The following SH3BP4 variants were observed in gnomAD, a reference collection of about 807,000 sequenced individuals.
SH3BP4 encodes SH3 domain-binding protein 4.
A neutral mutation model predicts 65.5 loss-of-function variants in SH3BP4; 33 were observed. That is an observed-to-expected ratio of 0.50 (90% CI 0.38 to 0.67). The LOEUF (loss-of-function observed/expected upper bound fraction) is 0.67. SH3BP4 is among the 30% of genes least tolerant of loss of function. The probability of loss-of-function intolerance (pLI) is 0.00; values close to 1 mark genes in which losing one functional copy is unlikely to be tolerated. For synonymous variants in SH3BP4, 552 were observed against 545.5 expected (o/e 1.01, Z -0.17); for missense variants, 1,134 against 1,261.4 (o/e 0.90, Z 1.53).
rs923502145 is a variant in SH3BP4 at position 235,007,083 on chromosome 2, C to A, written c.-133+11707C>A. Among the ~76,000 whole-genome samples the A allele has an allele frequency of 2.0e-5, 3 of 151,914 alleles. No individual in the cohort carries two copies. The South Asian group carries it at 6.3e-4, about 32-fold the overall frequency. On this transcript the variant is annotated intron_variant, in intron 2 of 5. Transcript: ENST00000392011. The stretch of plus-strand genomic sequence containing the variant: ...CCCCGGTCAGAATGGAAATGAATTC[C>A]ATTTCCTAGGGTCGGGTGAGCCCAC...
intron 1 of SH3BP4, among the ~76,000 whole-genome samples, chr2:234,960,341 T>G (rs567295949): frequency 6.6e-6 from 1 of 152,248 alleles, no homozygotes; most frequent in Non-Finnish European, 1.5e-5. Context: ...GAGGAATCGA[T>G]ATTTCAAATG....
At chr2:234,988,329 G>C (rs1317388145) in intron 1 of SH3BP4, among the ~76,000 whole-genome samples, 7 of 152,238 alleles carry the variant, frequency 4.6e-5, no homozygotes, top group East Asian at 3.9e-4. Flanking sequence ...AAAGTGCTGG[G>C]ATTACAGGCG....
At chr2:234,996,095 T>C (rs1172103804) in intron 2 of SH3BP4, 1 of 152,220 alleles carries the variant, frequency 6.6e-6, no homozygotes, top group African/African-American at 2.4e-5. Context: ...ACCTACCTCA[T>C]AGGGCGGGCA....
chr2:235,004,777 G>A lies in SH3BP4; in HGVS notation c.-133+9401G>A, dbSNP rs1478166385. 5.3e-5 allele frequency among the ~76,000 whole-genome samples: 8 copies of A among 152,214 alleles called. No individual in the cohort carries two copies. The East Asian group carries it at 1.3e-3, about 26-fold the overall frequency. On this transcript the variant is annotated intron_variant, in intron 2 of 5. Transcript: ENST00000392011. ...TTACATTTTGTTTACACTTTCATTC[G>A]TTGATGGACATTTGGGTCGTTGCCA...
At chr2:234,987,786 A>G (rs1055360507) in intron 1 of SH3BP4, among the ~76,000 whole-genome samples, 2 of 152,220 alleles carry the variant, frequency 1.3e-5, no homozygotes, top group African/African-American at 4.8e-5. Context: ...TTGGGCAGTG[A>G]GTTGAAAAAG....
chr2:234,988,023 A>G (rs1464231013), intron 1 of SH3BP4, among the ~76,000 whole-genome samples: 1 of 151,920 alleles, frequency 6.6e-6, no homozygotes, highest in Non-Finnish European at 1.5e-5. Context: ...AGTTGACTGC[A>G]TTTTCCTCAG....
intron 1 of SH3BP4, among the ~76,000 whole-genome samples, chr2:234,962,946 C>T (rs1692748355): frequency 6.6e-6 from 1 of 152,158 alleles, no homozygotes; most frequent in African/African-American, 2.4e-5. Context: ...GACACAGTTT[C>T]ACCAGGCTGG....
chr2:235,004,890 GT>G (rs1433790631), intron 2 of SH3BP4, among the ~76,000 whole-genome samples: 1 of 152,178 alleles, frequency 6.6e-6, no homozygotes, highest in African/African-American at 2.4e-5. Flanking sequence ...TCATTTCCAA[GT>G]TCTTGGAGAG....
In SH3BP4 at chr2:235,032,171, G is replaced by A. The variant is rs1040882374; in HGVS notation, c.-132-2700G>A. Among the ~76,000 whole-genome samples the A allele has an allele frequency of 1.1e-4, 17 of 152,328 alleles. No homozygotes were observed. In the South Asian group the frequency reaches 2.3e-3, roughly 20 times the overall value. On this transcript the variant is annotated intron_variant, in intron 2 of 5. Coordinates refer to ENST00000392011, the MANE Select transcript of SH3BP4 (RefSeq NM_014521.3). Reference sequence around the variant, plus strand: ...CAGAGCCTCACCCGGCGCAGTCCTCGGAGTAGCTCTGGACTGGTGGGGGTG... The same window carrying A: ...CAGAGCCTCACCCGGCGCAGTCCTCAGAGTAGCTCTGGACTGGTGGGGGTG...
In SH3BP4 at chr2:235,006,312, C is replaced by T. The variant is rs1294323769; in HGVS notation, c.-133+10936C>T. 4.6e-5 allele frequency among the ~76,000 whole-genome samples: 7 copies of T among 152,146 alleles called. No homozygotes were observed. The South Asian group carries it at 6.2e-4, about 14-fold the overall frequency. On this transcript the variant is annotated intron_variant, in intron 2 of 5. Transcript: ENST00000392011. ...TGAGTGTGTTCAGAAAATCTCAGAG[C>T]GGCCACTTGCTGCCCCAGGGGGTAT...
rs886644504 is a variant in SH3BP4, at chr2:234,971,386, A to T, written c.-207+19216A>T. ...TGTATATGTTATATTTTATTTATCC[A>T]TTCATCTGTCCATGGACATTTGAGT... On this transcript the variant is annotated intron_variant, in intron 1 of 5. Coordinates refer to ENST00000392011, the MANE Select transcript of SH3BP4 (RefSeq NM_014521.3). 7.2e-5 allele frequency among the ~76,000 whole-genome samples: 11 copies of T among 152,144 alleles called. No individual in the cohort carries two copies. The East Asian group carries it at 1.9e-3, about 27-fold the overall frequency.
At chr2:235,031,885 G>T (rs539777033) in intron 2 of SH3BP4, among the ~76,000 whole-genome samples, 1 of 152,382 alleles carries the variant, frequency 6.6e-6, no homozygotes, top group East Asian at 1.9e-4. Flanking sequence ...GCCCATCTCT[G>T]CTGACAGCTT....
In SH3BP4 at chr2:235,043,030, T is replaced by C. The variant is rs1030965209; in HGVS notation, c.2261T>C (p.Ile754Thr). ...ILRPCKFLTY[I>T]YASVRTLLME... The stretch of plus-strand genomic sequence containing the variant: ...CGGCCCTGCAAATTCCTCACGTACA[T>C]CTATGCCTCCGTGAGGACCCTGCTC... Residue 754 changes from isoleucine to threonine, a missense_variant, in exon 4 of 6, where the codon ATC becomes ACC. Transcript: ENST00000392011. The C allele has an allele frequency of 1.2e-6, 2 of 1,610,732 alleles. No individual in the cohort carries two copies. Among genetic ancestry groups the C allele is most frequent in the African/African-American group, 1.3e-5 (1 of 74,966 alleles).
chr2:234,966,576 A>G lies in SH3BP4; in HGVS notation c.-207+14406A>G, dbSNP rs1692844353. ...CGTGAACATAGCAAGTATCTGAAAT[A>G]CCACGCAGTAAATCTTGTGTGTGGC... On this transcript the variant is annotated intron_variant, in intron 1 of 5. Transcript: ENST00000392011. 2.6e-5 allele frequency among the ~76,000 whole-genome samples: 4 copies of G among 152,224 alleles called. No individual in the cohort carries two copies. In the South Asian group the frequency reaches 8.3e-4, roughly 32 times the overall value.
intron 4 of SH3BP4, among the ~76,000 whole-genome samples, chr2:235,048,167 T>C (rs1167501347): frequency 6.6e-6 from 1 of 152,060 alleles, no homozygotes; most frequent in Non-Finnish European, 1.5e-5. Context: ...CCAGAGCCTG[T>C]GGCTGTTAAT....
Position 235,018,938 on chromosome 2 carries a change from C to T in SH3BP4, c.-132-15933C>T, listed in dbSNP as rs566604356. Among the ~76,000 whole-genome samples the T allele has an allele frequency of 2.6e-5, 4 of 152,302 alleles. No individual in the cohort carries two copies. The East Asian group carries it at 7.7e-4, about 29-fold the overall frequency. ...TGCAGTGGCGAGTGGTCAGATAGAC[C>T]TTTCTGGAGCAGTGACACTGGCCTG... On this transcript the variant is annotated intron_variant, in intron 2 of 5. Transcript: ENST00000392011.
chr2:234,989,682 G>C (rs1693690162), intron 1 of SH3BP4, among the ~76,000 whole-genome samples: 1 of 152,230 alleles, frequency 6.6e-6, no homozygotes, highest in African/African-American at 2.4e-5. Flanking sequence ...GCTGGGCTCT[G>C]TGCAACTTAG....
At chr2:234,973,440 C>A (rs1693057160) in intron 1 of SH3BP4, among the ~76,000 whole-genome samples, 1 of 152,192 alleles carries the variant, frequency 6.6e-6, no homozygotes, top group Admixed American at 6.5e-5. Flanking sequence ...GTATGTACAG[C>A]CTCACTTTGC....
chr2:235,004,528 C>T (rs1351149202), intron 2 of SH3BP4, among the ~76,000 whole-genome samples: 2 of 152,156 alleles, frequency 1.3e-5, no homozygotes, highest in African/African-American at 4.8e-5. Context: ...AGTCGCTGCC[C>T]CTCCTTCCCG....
Sources: allele counts gnomAD v4.1 joint callset (sites outside exome capture counted in the v4.1 genomes callset), GRCh38; gene constraint gnomAD v4.1.1; transcripts MANE v1.5; gene names NCBI Gene and HGNC (gene_info 2026-07-23, HGNC 2026-07-21).